Variants in DDX4 observed in about 807,000 individuals in gnomAD.
DDX4 encodes probable ATP-dependent RNA helicase DDX4.
Under a neutral mutation model 100.0 loss-of-function variants are expected in DDX4, and 25 were observed. The observed-to-expected ratio is 0.25, with a 90% CI of 0.18 to 0.35. The LOEUF is 0.35. Among genes scored for constraint, DDX4 ranks in the 10% least tolerant of loss-of-function variants. DDX4 has a pLI of 1.00. For missense variants in DDX4, 635 were observed against 882.4 expected (o/e 0.72, Z 3.55); for synonymous variants, 259 against 275.7 (o/e 0.94, Z 0.60).
chr5:55,764,894 T>C (rs1740793745), intron 6 of DDX4, among the ~76,000 whole-genome samples: 1 of 152,220 alleles, frequency 6.6e-6, no homozygotes, highest in South Asian at 2.1e-4. Flanking sequence ...AACACTCAGA[T>C]GTCATCCATC....
chr5:55,764,220 C>G (rs1180491585), intron 6 of DDX4, among the ~76,000 whole-genome samples, 156 bp downstream of exon 6: 1 of 152,142 alleles, frequency 6.6e-6, no homozygotes, highest in Non-Finnish European at 1.5e-5. Flanking sequence ...AAGGATATTA[C>G]TGCTTTGTAC....
At chr5:55,765,489 CA>C (rs1436148287) in intron 6 of DDX4, among the ~76,000 whole-genome samples, 1 of 145,914 alleles carries the variant, frequency 6.9e-6, no homozygotes, top group South Asian at 2.1e-4. Flanking sequence ...GTTCTGAGCT[CA>C]CGGTAGAAGC....
At chr5:55,815,521 C>A in intron 21 of DDX4, 98 bp downstream of exon 21, 1 of 1,388,666 alleles carries the variant, frequency 7.2e-7, no homozygotes. Context: ...AATAATCAAG[C>A]CATTGTTTTC....
rs377290616 is a variant in DDX4 at position 55,812,327 on chromosome 5, C to T, written c.1616-1346C>T. On this transcript the variant is annotated intron_variant, in intron 18 of 21. Coordinates refer to ENST00000505374, the MANE Select transcript of DDX4 (RefSeq NM_024415.3). Reference sequence around the variant, plus strand: ...CTGTAATCCCAGCACTTTGGGAGGCCGAGGCGGGCGGATCACGAGGTTAGG... The same window carrying T: ...CTGTAATCCCAGCACTTTGGGAGGCTGAGGCGGGCGGATCACGAGGTTAGG... 3.3e-3 allele frequency among the ~76,000 whole-genome samples: 497 copies of T among 152,142 alleles called. 4 individuals are homozygous for T. Among genetic ancestry groups the T allele is most frequent in the African/African-American group, 0.012 (482 of 41,518 alleles).
At position 55,768,932 on chromosome 5, in the gene DDX4, C is replaced by T. The variant is rs10056448; in HGVS notation, c.394+992C>T. Among the ~76,000 whole-genome samples the T allele has an allele frequency of 3.3e-3, 508 of 152,018 alleles. 4 individuals are homozygous for T. Among genetic ancestry groups the T allele is most frequent in the African/African-American group, 0.012 (493 of 41,508 alleles). On this transcript the variant is annotated intron_variant, in intron 7 of 21. Coordinates refer to ENST00000505374, the MANE Select transcript of DDX4 (RefSeq NM_024415.3). Reference sequence around the variant, plus strand: ...GTTGGCTGTATATTGTCTTTTGAAACGTGCCCATGTCCATTGTCCACTTTT... The same window carrying T: ...GTTGGCTGTATATTGTCTTTTGAAATGTGCCCATGTCCATTGTCCACTTTT...
chr5:55,763,964 A>G (rs747777745), intron 5 of DDX4, 50 bp from the exon 6 acceptor site: 87 of 1,362,290 alleles, frequency 6.4e-5, no homozygotes, highest in Non-Finnish European at 8.8e-5. Context: ...TGTGGTTATC[A>G]TTTTTACCAC....
chr5:55,770,457 C>T (rs1580547889), intron 7 of DDX4, among the ~76,000 whole-genome samples: 1 of 152,096 alleles, frequency 6.6e-6, no homozygotes, highest in Non-Finnish European at 1.5e-5. Flanking sequence ...ATGCTTAATT[C>T]TTGATTATAT....
At chr5:55,742,496 A>G (rs886412922) in intron 2 of DDX4, among the ~76,000 whole-genome samples, 3 of 152,244 alleles carry the variant, frequency 2.0e-5, no homozygotes, top group Admixed American at 1.3e-4. Flanking sequence ...TTGAGATAAG[A>G]AAATAAACAT....
chr5:55,781,451 A>T (rs1280949640), intron 9 of DDX4, among the ~76,000 whole-genome samples: 2 of 152,204 alleles, frequency 1.3e-5, no homozygotes, highest in Non-Finnish European at 2.9e-5. Context: ...AACACAATTG[A>T]TGAAAAATGT....
chr5:55,739,012 T>C lies in DDX4; in HGVS notation c.49T>C (p.Tyr17His). 2 of 1,595,600 alleles carry C rather than the reference T, an allele frequency of 1.3e-6. No homozygotes were observed. Residue 17 changes from tyrosine to histidine, a missense_variant, in exon 2 of 22, where the codon TAT becomes CAT. Tyr to His is a moderately conservative substitution (Grantham distance 83). This residue lies in a region of DDX4 where 446 missense variants were observed against 540.8 expected (regional missense o/e 0.82). Coordinates refer to ENST00000505374, the MANE Select transcript of DDX4 (RefSeq NM_024415.3). The stretch of plus-strand genomic sequence containing the variant: ...AGAAATCAACCCTCATATGTCTTCC[T>C]ATGTTCCCATATTTGAGAAGGTAAT... ...EAEINPHMSS[Y>H]VPIFEKDRYS...
intron 10 of DDX4, chr5:55,782,237 A>G (rs3843460): frequency 2.6e-6 from 1 of 388,222 alleles, no homozygotes; most frequent in East Asian, 3.9e-5. Context: ...TTTGGAAATA[A>G]ATGTACAAGG....
At chr5:55,763,770 A>C (rs1334890301) in intron 5 of DDX4, among the ~76,000 whole-genome samples, 1 of 152,166 alleles carries the variant, frequency 6.6e-6, no homozygotes, top group Admixed American at 6.5e-5. Context: ...ACAGAGGAGT[A>C]TATGACAATT....
chr5:55,763,370 G>T, intron 5 of DDX4, 118 bp downstream of exon 5: 1 of 705,722 alleles, frequency 1.4e-6, no homozygotes, highest in Non-Finnish European at 2.5e-6. Flanking sequence ...TATATATTCT[G>T]TGAGTGCCTT....
At chr5:55,809,192 C>T (rs559073627) in intron 18 of DDX4, among the ~76,000 whole-genome samples, 3 of 152,278 alleles carry the variant, frequency 2.0e-5, no homozygotes, top group Admixed American at 6.5e-5. Context: ...GGGAGTGACC[C>T]GATTTTCCAG....
Position 55,738,518 on chromosome 5 carries a change from C to T in DDX4, c.-15+417C>T, listed in dbSNP as rs532578025. Among the ~76,000 whole-genome samples the T allele has an allele frequency of 2.0e-5, 3 of 152,088 alleles. No homozygotes were observed. The South Asian group carries it at 6.2e-4, about 32-fold the overall frequency. ...GTACCCCTGTCCCCGCCCCCACGCA[C>T]GCCACAAACACCCCAAAGCAAACAT... is the stretch of plus-strand genomic sequence containing the variant. On this transcript the variant is annotated intron_variant, in intron 1 of 21. Transcript: ENST00000505374.
intron 2 of DDX4, among the ~76,000 whole-genome samples, chr5:55,740,909 A>T (rs1187939731): frequency 6.6e-6 from 1 of 152,152 alleles, no homozygotes; most frequent in African/African-American, 2.4e-5. Context: ...CAGTGGTGTT[A>T]GCTTCTCACT....
chr5:55,793,068 T>TGTG (rs1476053442), intron 17 of DDX4, among the ~76,000 whole-genome samples: 1 of 146,158 alleles, frequency 6.8e-6, no homozygotes, highest in African/African-American at 2.5e-5. Context: ...GTGTGTGTTG[T>TGTG]TGTTGTTGTT....
At chr5:55,796,411 AT>A (rs1024013408) in intron 17 of DDX4, among the ~76,000 whole-genome samples, 1 of 152,150 alleles carries the variant, frequency 6.6e-6, no homozygotes, top group African/African-American at 2.4e-5. Context: ...GTCCTTATCA[AT>A]TTTGCCCTGC....
chr5:55,784,694 A>G (rs182514753), intron 10 of DDX4, among the ~76,000 whole-genome samples: 13 of 152,330 alleles, frequency 8.5e-5, no homozygotes, highest in African/African-American at 3.1e-4. Context: ...AGGTGAGTAC[A>G]TTATTAGCCC....
Sources: allele counts gnomAD v4.1 joint callset (sites outside exome capture counted in the v4.1 genomes callset), GRCh38; gene constraint gnomAD v4.1.1; regional missense constraint gnomAD v4.1.1; transcripts MANE v1.5; gene names NCBI Gene and HGNC (gene_info 2026-07-23, HGNC 2026-07-21).